The following BMPR1B variants were observed in gnomAD, a reference collection of about 807,000 sequenced individuals.
BMPR1B encodes the protein bone morphogenetic protein receptor type-1B.
Under a neutral mutation model 59.1 loss-of-function variants are expected in BMPR1B, and 12 were observed. The ratio of observed to expected loss-of-function variants is 0.20; its 90% confidence interval spans 0.13 to 0.33. The LOEUF (loss-of-function observed/expected upper bound fraction) is 0.33, where lower values mean the gene tolerates loss of function less well. BMPR1B is among the 10% of genes least tolerant of loss of function. BMPR1B has a pLI of 1.00. For synonymous variants in BMPR1B, 237 were observed against 207.3 expected (o/e 1.14, Z -1.23); for missense variants, 550 against 610.9 (o/e 0.90, Z 1.05).
At chr4:94,913,253 A>G (rs1243625005) in intron 2 of BMPR1B, among the ~76,000 whole-genome samples, 1 of 152,126 alleles carries the variant, frequency 6.6e-6, no homozygotes, top group Non-Finnish European at 1.5e-5. Context: ...TCAACAACAA[A>G]TGCTGTGAGG....
chr4:94,889,681 C>G (rs1727314048), intron 2 of BMPR1B, among the ~76,000 whole-genome samples: 1 of 151,932 alleles, frequency 6.6e-6, no homozygotes, highest in Non-Finnish European at 1.5e-5. Flanking sequence ...CTTCATGTTC[C>G]AAAAAGGGAA....
chr4:95,147,800 C>G (rs1734750597), intron 10 of BMPR1B, among the ~76,000 whole-genome samples: 1 of 152,062 alleles, frequency 6.6e-6, no homozygotes, highest in African/African-American at 2.4e-5. Flanking sequence ...ACCATGTTGG[C>G]AGGGCTTGTA....
intron 1 of BMPR1B, among the ~76,000 whole-genome samples, chr4:94,842,916 TATGC>T (rs1317949569): frequency 3.3e-5 from 5 of 151,778 alleles, no homozygotes; most frequent in African/African-American, 1.2e-4. Flanking sequence ...ACACTGTGTG[TATGC>T]ATGTATGTAT....
intron 8 of BMPR1B, among the ~76,000 whole-genome samples, chr4:95,127,562 TC>T (rs1348027432): frequency 1.3e-5 from 2 of 152,172 alleles, no homozygotes; most frequent in African/African-American, 2.4e-5. Context: ...TAAATATTTT[TC>T]TTTAATAAAT....
At chr4:95,021,351 G>A (rs1005963357) in intron 3 of BMPR1B, among the ~76,000 whole-genome samples, 2 of 152,126 alleles carry the variant, frequency 1.3e-5, no homozygotes, top group South Asian at 2.1e-4. Flanking sequence ...TCATTTACAT[G>A]GTGTGGAGTA....
chr4:94,945,892 T>C (rs1211507821), intron 2 of BMPR1B, among the ~76,000 whole-genome samples: 3 of 152,220 alleles, frequency 2.0e-5, no homozygotes, highest in Non-Finnish European at 4.4e-5. Context: ...ATTAATACTG[T>C]GATGTGCAGA....
chr4:95,100,329 G>A (rs1277132851), intron 3 of BMPR1B, among the ~76,000 whole-genome samples: 4 of 151,976 alleles, frequency 2.6e-5, no homozygotes, highest in Non-Finnish European at 5.9e-5. Flanking sequence ...ATTTGCCCAG[G>A]TATTTATTTC....
chr4:95,017,613 G>GCATCAGTATTTCAATATTT (rs1450667958), intron 3 of BMPR1B, among the ~76,000 whole-genome samples: 1 of 152,146 alleles, frequency 6.6e-6, no homozygotes, highest in East Asian at 1.9e-4. Flanking sequence ...TTGGCACTTA[G>GCATCAGTATTTCAATATTT]CATCAGTATT....
chr4:94,782,491 A>C (rs575980065), intron 1 of BMPR1B, among the ~76,000 whole-genome samples: 3 of 151,936 alleles, frequency 2.0e-5, no homozygotes, highest in East Asian at 3.9e-4. Flanking sequence ...TTGTTTGTAG[A>C]GCTGAGGTTT....
chr4:94,965,301 A>G lies in BMPR1B; in HGVS notation c.-112-30739A>G, dbSNP rs566226264. Among the ~76,000 whole-genome samples the G allele has an allele frequency of 2.6e-5, 4 of 152,262 alleles. No individual in the cohort carries two copies. The South Asian group carries it at 8.3e-4, about 32-fold the overall frequency. On this transcript the variant is annotated intron_variant, in intron 2 of 12. Transcript: ENST00000515059. The stretch of plus-strand genomic sequence containing the variant: ...TAGTTAGCTTTATCTGCTTACCTAC[A>G]GAGTTCTCATCTCATATTTCTTGTG...
intron 1 of BMPR1B, among the ~76,000 whole-genome samples, chr4:94,798,982 A>G (rs1723295814): frequency 6.6e-6 from 1 of 151,866 alleles, no homozygotes; most frequent in African/African-American, 2.4e-5. Context: ...AATATGAGTC[A>G]GCGTGGTTGC....
chr4:94,794,003 A>G (rs1170554515), intron 1 of BMPR1B, among the ~76,000 whole-genome samples: 11 of 149,434 alleles, frequency 7.4e-5, no homozygotes, highest in South Asian at 2.1e-4. Context: ...CTTTTGCTGT[A>G]CAGAAGCTCT....
At chr4:94,932,461 C>G (rs1247328113) in intron 2 of BMPR1B, among the ~76,000 whole-genome samples, 1 of 152,084 alleles carries the variant, frequency 6.6e-6, no homozygotes, top group Admixed American at 6.6e-5. Flanking sequence ...AATGTTGATT[C>G]AAAATGCTAT....
At chr4:95,145,598 G>A (rs1055806125) in intron 10 of BMPR1B, among the ~76,000 whole-genome samples, 13 of 152,198 alleles carry the variant, frequency 8.5e-5, no homozygotes, top group African/African-American at 3.1e-4. Context: ...ATTAACACAA[G>A]CTTGATTTTT....
intron 2 of BMPR1B, among the ~76,000 whole-genome samples, chr4:94,911,254 A>G (rs1415295809): frequency 6.6e-6 from 1 of 152,164 alleles, no homozygotes; most frequent in Non-Finnish European, 1.5e-5. Flanking sequence ...GAATTGATGT[A>G]TAAACCATTA....
intron 3 of BMPR1B, among the ~76,000 whole-genome samples, chr4:95,088,650 A>G (rs1396399412): frequency 6.6e-6 from 1 of 152,156 alleles, no homozygotes. Context: ...ACCAAATATT[A>G]TGGGCTTAAT....
At chr4:95,145,033 T>A (rs1046237274) in intron 10 of BMPR1B, among the ~76,000 whole-genome samples, 1 of 152,234 alleles carries the variant, frequency 6.6e-6, no homozygotes, top group African/African-American at 2.4e-5. Context: ...TATACTTATA[T>A]TTGTGATATA....
chr4:95,045,493 T>C (rs1725979132), intron 3 of BMPR1B, among the ~76,000 whole-genome samples: 1 of 152,180 alleles, frequency 6.6e-6, no homozygotes, highest in African/African-American at 2.4e-5. Flanking sequence ...ATATCGAGCT[T>C]CTCGTGTTCT....
intron 2 of BMPR1B, among the ~76,000 whole-genome samples, chr4:94,915,527 T>C (rs927835071): frequency 6.6e-6 from 1 of 152,160 alleles, no homozygotes; most frequent in African/African-American, 2.4e-5. Context: ...TGAACAAAAG[T>C]GTTCAATTGG....
Sources: gnomAD v4.1 joint callset for allele counts (sites outside exome capture counted in the v4.1 genomes callset) on GRCh38, gnomAD v4.1.1 for gene constraint, MANE v1.5 for transcripts, NCBI Gene and HGNC (gene_info 2026-07-23, HGNC 2026-07-21) for gene names.